UTP20: variants seen among roughly 807,000 people sequenced by gnomAD.
UTP20 encodes UTP20 small subunit processome component.
Under a neutral mutation model 329.5 loss-of-function variants are expected in UTP20, and 164 were observed. The observed-to-expected ratio is 0.50, with a 90% CI of 0.44 to 0.57. UTP20 has a LOEUF of 0.57. UTP20 is among the 20% of genes least tolerant of loss of function. The pLI, the probability that UTP20 is intolerant of heterozygous loss-of-function variation, is 0.00. For synonymous variants in UTP20, 1,151 were observed against 1,159.3 expected, an observed-to-expected ratio of 0.99 and a Z score of 0.14; for missense variants, 3,055 against 3,284.2, an observed-to-expected ratio of 0.93 and a Z score of 1.71.
chr12:101,314,294 G>A (rs1872890258), intron 21 of UTP20, among the ~76,000 whole-genome samples: 1 of 152,198 alleles, frequency 6.6e-6, no homozygotes, highest in South Asian at 2.1e-4. Context: ...AGTGACCTTA[G>A]TCAGAGTGAC....
intron 60 of UTP20, among the ~76,000 whole-genome samples, chr12:101,384,833 A>G (rs1330371202): frequency 6.6e-6 from 1 of 152,186 alleles, no homozygotes; most frequent in East Asian, 1.9e-4. Flanking sequence ...AAGCAATGGT[A>G]AAGGTTGAGG....
At chr12:101,382,884 G>A (rs1870695474) in intron 58 of UTP20, among the ~76,000 whole-genome samples, 157 bp from the exon 59 acceptor site, 1 of 151,128 alleles carries the variant, frequency 6.6e-6, no homozygotes, top group South Asian at 2.1e-4. Flanking sequence ...ATCTAAAAAT[G>A]GAGCCTTCAT....
At chr12:101,291,116 A>G in intron 8 of UTP20, 2 of 385,608 alleles carry the variant, frequency 5.2e-6, no homozygotes, top group Non-Finnish European at 9.0e-6. Context: ...TGCCTGTTTG[A>G]ATCTTGACCC....
intron 19 of UTP20, 128 bp downstream of exon 19, chr12:101,309,967 T>A: frequency 4.0e-6 from 3 of 752,820 alleles, no homozygotes; most frequent in Non-Finnish European, 4.3e-6. Flanking sequence ...GTACTTTAAA[T>A]CCTTTGTGAG....
intron 38 of UTP20, among the ~76,000 whole-genome samples, chr12:101,347,325 C>T (rs1869359237): frequency 6.6e-6 from 1 of 152,066 alleles, no homozygotes; most frequent in African/African-American, 2.4e-5. Flanking sequence ...GAGTTTGAGA[C>T]CAGCCTGGCC....
chr12:101,298,658 G>C (rs914391556), intron 12 of UTP20, among the ~76,000 whole-genome samples: 1 of 152,020 alleles, frequency 6.6e-6, no homozygotes, highest in Admixed American at 6.6e-5. Flanking sequence ...ACTCATTTTT[G>C]TTTTTTAAAG....
At chr12:101,298,802 A>G (rs1872439556) in intron 12 of UTP20, among the ~76,000 whole-genome samples, 1 of 152,094 alleles carries the variant, frequency 6.6e-6, no homozygotes, top group African/African-American at 2.4e-5. Context: ...TGATTTCCAG[A>G]CACTAAACAT....
chr12:101,367,749 A>G lies in UTP20; in HGVS notation c.6268-111A>G, dbSNP rs536817061. 6 of 699,200 alleles carry G rather than the reference A, an allele frequency of 8.6e-6. No individual in the cohort carries two copies. In the South Asian group the frequency reaches 1.1e-4, roughly 13 times the overall value. The allele number at this position is 699,200 out of a possible 1,614,324, so 43.3% of individuals were successfully genotyped here. On this transcript the variant is annotated intron_variant, in intron 47 of 61. Transcript: ENST00000261637. ...TCCTTAAAAATGTTTTATCATTTCTAATAGAAGTATCTTAACATTTCTTGC... is the reference window on the plus strand; with the variant it reads ...TCCTTAAAAATGTTTTATCATTTCTGATAGAAGTATCTTAACATTTCTTGC...
chr12:101,376,447 C>T (rs1012015095), intron 56 of UTP20, among the ~76,000 whole-genome samples: 3 of 152,124 alleles, frequency 2.0e-5, no homozygotes, highest in Admixed American at 6.6e-5. Context: ...TAGCCTATTA[C>T]ACCCCTAGAC....
chr12:101,352,366 G>A (rs548776635), intron 39 of UTP20, among the ~76,000 whole-genome samples, 172 bp downstream of exon 39: 4 of 152,232 alleles, frequency 2.6e-5, no homozygotes, highest in Admixed American at 2.6e-4. Flanking sequence ...ACATACGTGT[G>A]CATGTGTCTT....
At chr12:101,367,242 A>C (rs974184835) in intron 47 of UTP20, among the ~76,000 whole-genome samples, 6 of 152,162 alleles carry the variant, frequency 3.9e-5, no homozygotes, top group African/African-American at 1.2e-4. Flanking sequence ...CTATTAACGC[A>C]CCACTGCACT....
chr12:101,309,662 C>G, intron 18 of UTP20, 101 bp from the exon 19 acceptor site: 1 of 1,170,522 alleles, frequency 8.5e-7, no homozygotes, highest in East Asian at 2.5e-5. Context: ...AGGCTTCTTT[C>G]CAAACCTCAG....
intron 14 of UTP20, among the ~76,000 whole-genome samples, chr12:101,300,434 A>G (rs193017143): frequency 6.6e-6 from 1 of 152,276 alleles, no homozygotes. Context: ...TTCTTTTGCA[A>G]CTTTTACAAC....
At chr12:101,353,650 A>T (rs1779586111) in intron 40 of UTP20, among the ~76,000 whole-genome samples, 1 of 152,158 alleles carries the variant, frequency 6.6e-6, no homozygotes. Context: ...GTGAGCTATG[A>T]TCACCATAGC....
At chr12:101,303,703 A>G (rs1872584953) in intron 15 of UTP20, among the ~76,000 whole-genome samples, 1 of 152,144 alleles carries the variant, frequency 6.6e-6, no homozygotes, top group African/African-American at 2.4e-5. Context: ...TTTACTCTGA[A>G]TGAAAGGGGA....
At chr12:101,365,404 A>C in intron 45 of UTP20, 55 bp from the exon 46 acceptor site, 1 of 1,363,774 alleles carries the variant, frequency 7.3e-7, no homozygotes, top group Non-Finnish European at 9.9e-7. Context: ...CCATTATGAC[A>C]AATCAAAATG....
chr12:101,385,018 T>C (rs1870778301), intron 60 of UTP20, among the ~76,000 whole-genome samples: 1 of 149,992 alleles, frequency 6.7e-6, no homozygotes, highest in African/African-American at 2.5e-5. Flanking sequence ...TATTTGTATA[T>C]AGGGGTGAGT....
Position 101,290,807 on chromosome 12 carries a change from A to G in UTP20, c.810A>G (p.Gly270=), listed in dbSNP as rs754978733. The part of the protein sequence containing the change: ...TETQLPWMLI[G]ETLKNMVKST... ...CTCAACTACCATGGATGTTAATTGG[A>G]GAAACACTCAAAAACATGGTCAAAT... is the stretch of plus-strand genomic sequence containing the variant. The change falls in exon 8 of 62, where the codon GGA becomes GGG. Residue 270 remains glycine (G), a synonymous_variant. Transcript: ENST00000261637. 1.6e-5 allele frequency: 26 copies of G among 1,614,042 alleles called. No individual in the cohort carries two copies. The highest frequency in any genetic ancestry group is 2.1e-5 in the Non-Finnish European group (25 of 1,179,946).
Position 101,373,751 on chromosome 12 carries a change from G to T in UTP20, c.7115G>T (p.Trp2372Leu). 1 of 1,609,182 alleles carries T rather than the reference G, an allele frequency of 6.2e-7. No individual in the cohort carries two copies. The highest frequency in any genetic ancestry group is 1.1e-5 in the South Asian group (1 of 89,556). Residue 2372 changes from tryptophan to leucine, a missense_variant, in exon 54 of 62, where the codon TGG becomes TTG. Trp to Leu is a moderately conservative substitution (Grantham distance 61). Around this residue, in one of 3 missense-constraint regions of UTP20, gnomAD observed 273 missense variants for 363.1 expected, o/e 0.75. Coordinates refer to ENST00000261637, the MANE Select transcript of UTP20 (RefSeq NM_014503.3). ...KDWLFDMVTT[W>L]FGAKKRLNRQ... Reference sequence around the variant, plus strand: ...TGGCTGTTTGATATGGTTACCACTTGGTTTGGAGCAAAAAAGGTGTGCGTT... The same window carrying T: ...TGGCTGTTTGATATGGTTACCACTTTGTTTGGAGCAAAAAAGGTGTGCGTT...
Sources: gnomAD v4.1 joint callset for allele counts (sites outside exome capture counted in the v4.1 genomes callset) on GRCh38, gnomAD v4.1.1 for gene constraint, gnomAD v4.1.1 regional missense constraint, MANE v1.5 for transcripts, NCBI Gene and HGNC (gene_info 2026-07-23, HGNC 2026-07-21) for gene names.